PLD5: variants seen among roughly 807,000 people sequenced by gnomAD.
The protein encoded by PLD5 is inactive phospholipase D5.
A neutral mutation model predicts 61.1 loss-of-function variants in PLD5; 36 were observed. The observed-to-expected ratio is 0.59, with a 90% CI of 0.45 to 0.78. The LOEUF is 0.78. Among genes scored for constraint, PLD5 ranks in the 30% least tolerant of loss-of-function variants. The probability of loss-of-function intolerance (pLI) is 0.00; values close to 1 mark genes in which losing one functional copy is unlikely to be tolerated. For synonymous variants in PLD5, 243 were observed against 242.8 expected (o/e 1.00, Z -0.01); for missense variants, 515 against 644.4 (o/e 0.80, Z 2.17).
intron 5 of PLD5, among the ~76,000 whole-genome samples, chr1:242,156,755 C>T (rs1248107784): frequency 6.6e-6 from 1 of 152,146 alleles, no homozygotes; most frequent in Non-Finnish European, 1.5e-5. Flanking sequence ...TTGTGGGTAA[C>T]CCAACTTTTC....
chr1:242,432,115 T>G (rs1665753859), intron 1 of PLD5, among the ~76,000 whole-genome samples: 1 of 152,250 alleles, frequency 6.6e-6, no homozygotes. Context: ...TAATTAGTGC[T>G]GCATTGTGAC....
chr1:242,415,335 G>A (rs1664761055), intron 1 of PLD5, among the ~76,000 whole-genome samples: 1 of 152,070 alleles, frequency 6.6e-6, no homozygotes, highest in Non-Finnish European at 1.5e-5. Context: ...CAAAAGCCTA[G>A]AAACAACCCA....
At chr1:242,281,094 G>A (rs2149127280) in intron 3 of PLD5, among the ~76,000 whole-genome samples, 1 of 152,316 alleles carries the variant, frequency 6.6e-6, no homozygotes, top group African/African-American at 2.4e-5. Context: ...CAGGCTGCGG[G>A]CTTCCTTAGG....
chr1:242,512,212 C>T (rs371727857), intron 1 of PLD5, among the ~76,000 whole-genome samples: 18 of 151,196 alleles, frequency 1.2e-4, no homozygotes, highest in Non-Finnish European at 1.9e-4. Flanking sequence ...GAGATCGAGA[C>T]CATCCTGGCT....
intron 3 of PLD5, among the ~76,000 whole-genome samples, chr1:242,283,051 G>C (rs1464082241): frequency 6.6e-6 from 1 of 152,166 alleles, no homozygotes; most frequent in Non-Finnish European, 1.5e-5. Context: ...GTTTTTCAGG[G>C]TGGAAACCCA....
At chr1:242,422,917 C>T (rs2149300867) in intron 1 of PLD5, among the ~76,000 whole-genome samples, 1 of 150,622 alleles carries the variant, frequency 6.6e-6, no homozygotes, top group East Asian at 2.0e-4. Context: ...GGCACAATCA[C>T]AGCCCACTGC....
At chr1:242,343,522 G>T (rs1385759578) in intron 2 of PLD5, among the ~76,000 whole-genome samples, 2 of 151,188 alleles carry the variant, frequency 1.3e-5, no homozygotes, top group Non-Finnish European at 2.9e-5. Flanking sequence ...TCGAGCTTCT[G>T]CAGACCAGTG....
chr1:242,190,106 C>T (rs191089364), intron 5 of PLD5, among the ~76,000 whole-genome samples: 4 of 146,746 alleles, frequency 2.7e-5, no homozygotes, highest in African/African-American at 5.0e-5. Flanking sequence ...TTCACTCCCT[C>T]GGACCTTATC....
chr1:242,268,162 C>T (rs574686615), intron 3 of PLD5, among the ~76,000 whole-genome samples: 1 of 152,230 alleles, frequency 6.6e-6, no homozygotes, highest in African/African-American at 2.4e-5. Flanking sequence ...CTTTGGCACT[C>T]CTCCAAGGAG....
chr1:242,192,318 C>G (rs949272515), intron 5 of PLD5: 2 of 152,184 alleles, frequency 1.3e-5, no homozygotes, highest in Non-Finnish European at 2.9e-5. Flanking sequence ...GGTTGCAAAC[C>G]CCTCCTCTTT....
chr1:242,085,479 A>C lies in PLD5; in HGVS notation c.*4375T>G, dbSNP rs1659404933. On this transcript the variant is annotated 3_prime_UTR_variant, in exon 10 of 10. Coordinates refer to ENST00000536534, the MANE Select transcript of PLD5 (RefSeq NM_001372062.1). Reference sequence around the variant, plus strand: ...TGGGGTTGATGTCAGGGCTATTCAAAAGCCTCCGTCCATTTAAGTCAATAA... The same window carrying C: ...TGGGGTTGATGTCAGGGCTATTCAACAGCCTCCGTCCATTTAAGTCAATAA... 1 of 152,240 alleles carries C rather than the reference A, an allele frequency of 6.6e-6. No individual in the cohort carries two copies. Among genetic ancestry groups the C allele is most frequent in the Non-Finnish European group, 1.5e-5 (1 of 68,050 alleles). The allele number at this position is 152,240 out of a possible 1,614,324, so 9.4% of individuals were successfully genotyped here.
chr1:242,337,055 A>C (rs1013411701), intron 2 of PLD5, among the ~76,000 whole-genome samples: 5 of 151,882 alleles, frequency 3.3e-5, no homozygotes, highest in African/African-American at 1.2e-4. Context: ...CTGAGATGCA[A>C]ATCAGGTCTC....
At chr1:242,123,564 T>TCATTC (rs1662548722) in intron 6 of PLD5, among the ~76,000 whole-genome samples, 1 of 152,086 alleles carries the variant, frequency 6.6e-6, no homozygotes, top group African/African-American at 2.4e-5. Context: ...ATCTGCCAGT[T>TCATTC]CATTCCACTT....
At chr1:242,475,386 G>A (rs1025167878) in intron 1 of PLD5, among the ~76,000 whole-genome samples, 2 of 132,792 alleles carry the variant, frequency 1.5e-5, no homozygotes, top group Admixed American at 8.4e-5. Context: ...TTGCGCCACT[G>A]CACTCCAGCC....
intron 5 of PLD5, among the ~76,000 whole-genome samples, chr1:242,193,326 T>C (rs570977158): frequency 6.6e-6 from 1 of 152,098 alleles, no homozygotes. Context: ...TCATAAAATA[T>C]CACATTGTTT....
intron 1 of PLD5, among the ~76,000 whole-genome samples, chr1:242,489,707 T>A (rs1038122691): frequency 6.6e-6 from 1 of 152,206 alleles, no homozygotes; most frequent in African/African-American, 2.4e-5. Flanking sequence ...GGGACATGGG[T>A]GAGGAATCCT....
At chr1:242,378,478 G>C (rs1662093906) in intron 1 of PLD5, among the ~76,000 whole-genome samples, 1 of 152,090 alleles carries the variant, frequency 6.6e-6, no homozygotes, top group Non-Finnish European at 1.5e-5. Context: ...TAATACTACT[G>C]AACTGTACAC....
intron 2 of PLD5, among the ~76,000 whole-genome samples, chr1:242,331,873 G>A (rs1235613850): frequency 6.6e-6 from 1 of 152,124 alleles, no homozygotes; most frequent in Non-Finnish European, 1.5e-5. Context: ...GGGCGGCAAA[G>A]TCCCTCACTT....
intron 1 of PLD5, among the ~76,000 whole-genome samples, chr1:242,520,672 G>C (rs2654904): frequency 0.35 from 53,519 of 151,952 alleles, 9,659 homozygotes; most frequent in Admixed American, 0.39. Flanking sequence ...AGTGGGCTTT[G>C]CATCTCTTCC....
Sources: gnomAD v4.1 joint callset for allele counts (sites outside exome capture counted in the v4.1 genomes callset) on GRCh38, gnomAD v4.1.1 for gene constraint, MANE v1.5 for transcripts, NCBI Gene and HGNC (gene_info 2026-07-23, HGNC 2026-07-21) for gene names.